IP6K3: variants seen among roughly 807,000 people sequenced by gnomAD.
IP6K3 encodes ATP:1D-myo-inositol-hexakisphosphate phosphotransferase.
In IP6K3, 20 loss-of-function variants were observed where a neutral mutation model predicts 28.8. That is an observed-to-expected ratio of 0.70 (90% CI 0.49 to 1.01). The LOEUF is 1.01. Among genes scored for constraint, IP6K3 ranks in the 50% least tolerant of loss-of-function variants. IP6K3 has a pLI of 0.00. For missense variants in IP6K3, 480 were observed against 537.1 expected (o/e 0.89, Z 1.05); for synonymous variants, 213 against 221.3 (o/e 0.96, Z 0.33).
intron 4 of IP6K3, among the ~76,000 whole-genome samples, chr6:33,725,889 A>T (rs1373248426): frequency 1.3e-5 from 2 of 152,198 alleles, no homozygotes; most frequent in Non-Finnish European, 2.9e-5. Flanking sequence ...GTTGAAATTT[A>T]AACGCAAGTG....
At position 33,728,048 on chromosome 6, in the gene IP6K3, G is replaced by A. The variant is rs557884632; in HGVS notation, c.413+39C>T. 39 of 1,589,390 alleles carry A rather than the reference G, an allele frequency of 2.5e-5. 1 individual carries two copies. The South Asian group carries it at 2.7e-4, about 11-fold the overall frequency. ...GGTGGGAGCAGTGCCGGTCCCTGCC[G>A]AGGGACAGGGTTTCTGTCATCCTGC... On this transcript the variant is annotated intron_variant, in intron 3 of 5. Coordinates refer to ENST00000293756, the MANE Select transcript of IP6K3 (RefSeq NM_054111.5).
At chr6:33,725,305 G>T in intron 5 of IP6K3, 136 bp downstream of exon 5, 1 of 735,976 alleles carries the variant, frequency 1.4e-6, no homozygotes, top group Non-Finnish European at 2.1e-6. Context: ...CTTGTTGGAG[G>T]CTCCTGGCCT....
At chr6:33,758,270 T>C in the IP6K3 span, among the ~76,000 whole-genome samples, 1 of 152,166 alleles carries the variant, frequency 6.6e-6, no homozygotes, top group Non-Finnish European at 1.5e-5. Flanking sequence ...ATCCCAGCGC[T>C]TTGGGAGGCC....
intron 1 of IP6K3, among the ~76,000 whole-genome samples, chr6:33,737,446 G>T (rs955439530): frequency 2.6e-5 from 4 of 152,212 alleles, no homozygotes; most frequent in Admixed American, 2.6e-4. Context: ...ACCAGGCTGG[G>T]CAGTGCTGGG....
the IP6K3 span, among the ~76,000 whole-genome samples, chr6:33,752,631 G>T: frequency 6.6e-6 from 1 of 152,368 alleles, no homozygotes; most frequent in East Asian, 1.9e-4. Flanking sequence ...GCCCTGCCTG[G>T]GGTTGCAGGG....
chr6:33,760,341 C>A, the IP6K3 span, among the ~76,000 whole-genome samples: 3 of 152,206 alleles, frequency 2.0e-5, no homozygotes, highest in East Asian at 5.8e-4. Flanking sequence ...GAATGCATGA[C>A]CTGAAGGGTG....
the IP6K3 span, among the ~76,000 whole-genome samples, chr6:33,752,876 G>T: frequency 3.9e-5 from 6 of 152,196 alleles, no homozygotes; most frequent in Non-Finnish European, 7.3e-5. Flanking sequence ...ATGATATAAT[G>T]CAAGTAAAAA....
chr6:33,722,708 G>A lies in IP6K3; in HGVS notation c.*12C>T. The stretch of plus-strand genomic sequence containing the variant: ...CTATAGCCCAGAAGAATCCAGATAA[G>A]CCCAGGAAGTTTCATTCTCCCTCTT... On this transcript the variant is annotated 3_prime_UTR_variant, in exon 6 of 6. Transcript: ENST00000293756. 1 of 1,563,146 alleles carries A rather than the reference G, an allele frequency of 6.4e-7. No homozygotes were observed. Among genetic ancestry groups the A allele is most frequent in the East Asian group, 2.2e-5 (1 of 44,624 alleles).
At chr6:33,747,757 T>G (rs371678387), upstream of IP6K3, among the ~76,000 whole-genome samples, 2 of 152,080 alleles carry the variant, frequency 1.3e-5, no homozygotes, top group South Asian at 4.1e-4. The surrounding 1 kb of genome is among the most constrained non-coding windows in gnomAD (Gnocchi z 5.2). Context: ...CTCACCAGCC[T>G]CTGTCCTCAG....
chr6:33,761,290 C>G, the IP6K3 span, among the ~76,000 whole-genome samples: 1 of 152,098 alleles, frequency 6.6e-6, no homozygotes, highest in African/African-American at 2.4e-5. Flanking sequence ...GACCCATGCC[C>G]TCTCTGCTGA....
upstream of IP6K3, among the ~76,000 whole-genome samples, chr6:33,751,483 C>CCTGTGTGT (rs1767020415): frequency 1.6e-5 from 1 of 61,524 alleles, no homozygotes; most frequent in African/African-American, 4.1e-5. This position sits in a 1 kb window ranked among gnomAD's most constrained non-coding sequence, Gnocchi z 4.3. Context: ...CTCTGCAGGC[C>CCTGTGTGT]GTGTGTGTGT....
At chr6:33,758,695 G>A in the IP6K3 span, among the ~76,000 whole-genome samples, 1 of 152,070 alleles carries the variant, frequency 6.6e-6, no homozygotes. Flanking sequence ...TGCCTCCCAG[G>A]TTCAAGCATT....
chr6:33,736,498 G>A (rs531443435), intron 1 of IP6K3, among the ~76,000 whole-genome samples: 3 of 151,984 alleles, frequency 2.0e-5, no homozygotes, highest in Admixed American at 6.5e-5. Flanking sequence ...TTTGCCTCCC[G>A]GGTTCAAGCG....
chr6:33,757,318 C>T, the IP6K3 span, among the ~76,000 whole-genome samples: 84 of 152,372 alleles, frequency 5.5e-4, no homozygotes, highest in Non-Finnish European at 1.1e-3. Context: ...AGGCCATCTC[C>T]TCCAGGGAGC....
upstream of IP6K3, among the ~76,000 whole-genome samples, chr6:33,751,775 C>T (rs968682786): frequency 5.3e-5 from 8 of 152,152 alleles, no homozygotes; most frequent in Admixed American, 2.0e-4. The surrounding 1 kb of genome is among the most constrained non-coding windows in gnomAD (Gnocchi z 4.3). Context: ...TCCGGCAGCC[C>T]TCGGTCACAC....
chr6:33,746,283 G>A lies in IP6K3; in HGVS notation c.-180+475C>T, dbSNP rs1276540971. 1.3e-5 allele frequency among the ~76,000 whole-genome samples: 2 copies of A among 152,136 alleles called. No individual in the cohort carries two copies. Among genetic ancestry groups the A allele is most frequent in the Non-Finnish European group, 2.9e-5 (2 of 68,008 alleles). ...TGGTGCCGGCCTCCTGCCCCCTCCC[G>A]TGGAAAGCTGGGGCTGCTGGGCTAG... is the stretch of plus-strand genomic sequence containing the variant. On this transcript the variant is annotated intron_variant, in intron 1 of 5. Coordinates refer to ENST00000293756, the MANE Select transcript of IP6K3 (RefSeq NM_054111.5). The surrounding 1 kb of genome is among the most constrained non-coding windows in gnomAD (Gnocchi z 6.5).
Position 33,721,845 on chromosome 6 carries a change from T to G in IP6K3, c.*875A>C, listed in dbSNP as rs1357431388. The G allele has an allele frequency of 6.6e-6, 1 of 152,598 alleles. No homozygotes were observed. Among genetic ancestry groups the G allele is most frequent in the Non-Finnish European group, 1.5e-5 (1 of 68,026 alleles). The allele number at this position is 152,598 out of a possible 1,614,324, so 9.5% of individuals were successfully genotyped here. On this transcript the variant is annotated 3_prime_UTR_variant, in exon 6 of 6. Transcript: ENST00000293756. ...CAGTCTTGTAAACATTGCCCCTGGT[T>G]TCCTCCGTCCTCCAGGTTCTTCTGA...
At position 33,722,993 on chromosome 6, in the gene IP6K3, G is replaced by A; in HGVS notation, c.960C>T (p.Arg320=). Residue 320 remains arginine, a synonymous_variant, in exon 6 of 6, where the codon CGC becomes CGT. Transcript: ENST00000293756. The part of the protein sequence containing the change: ...LSVIRSQSSY[R]FYSSSLLVIY... ...TGACAAGGAGAGAGCTGGAATAGAA[G>A]CGGTATGAACTCTGGCTCCTAATGA... 1 of 1,614,108 alleles carries A rather than the reference G, an allele frequency of 6.2e-7. No individual in the cohort carries two copies. Among genetic ancestry groups the A allele is most frequent in the Admixed American group, 1.7e-5 (1 of 60,006 alleles).
rs889801985 is a variant in IP6K3, at chr6:33,735,565, G to A, written c.-89C>T. 4.6e-6 allele frequency: 7 copies of A among 1,532,926 alleles called. No homozygotes were observed. The African/African-American group carries it at 5.5e-5, about 12-fold the overall frequency. The allele number at this position is 1,532,926 out of a possible 1,614,324, so 95.0% of individuals were successfully genotyped here. The stretch of plus-strand genomic sequence containing the variant: ...AGGGCAGCTCCCAACAGCACACGGG[G>A]CTGTCAGCGGTCCTCAACTTTCTCC... On this transcript the variant is annotated 5_prime_UTR_variant, in exon 2 of 6. Transcript: ENST00000293756.
Sources: allele counts gnomAD v4.1 joint callset (sites outside exome capture counted in the v4.1 genomes callset), GRCh38; gene constraint gnomAD v4.1.1; non-coding constraint Gnocchi (gnomAD v3.1); transcripts MANE v1.5; gene names NCBI Gene and HGNC (gene_info 2026-07-23, HGNC 2026-07-21).